The following RASA3 variants were observed in gnomAD, a reference collection of about 807,000 sequenced individuals.
RASA3 encodes the protein RAS p21 protein activator 3, also known as ras GTPase-activating protein 3.
A neutral mutation model predicts 110.0 loss-of-function variants in RASA3; 73 were observed. That is an observed-to-expected ratio of 0.66 (90% CI 0.55 to 0.81). The LOEUF (loss-of-function observed/expected upper bound fraction) is 0.81, where lower values mean the gene tolerates loss of function less well. Among genes scored for constraint, RASA3 ranks in the 30% least tolerant of loss-of-function variants. The probability of loss-of-function intolerance (pLI) is 0.00; values close to 1 mark genes in which losing one functional copy is unlikely to be tolerated. For synonymous variants in RASA3, 500 were observed against 451.4 expected (o/e 1.11, Z -1.37); for missense variants, 976 against 1,113.2 (o/e 0.88, Z 1.75).
chr13:114,012,904 C>G (rs1243256956), intron 15 of RASA3, among the ~76,000 whole-genome samples: 1 of 141,572 alleles, frequency 7.1e-6, no homozygotes, highest in East Asian at 2.1e-4. Flanking sequence ...CTTCCACACT[C>G]CCCACGCAGT....
At chr13:114,089,306 G>T (rs1265872176) in intron 1 of RASA3, among the ~76,000 whole-genome samples, 2 of 141,152 alleles carry the variant, frequency 1.4e-5, no homozygotes, top group Non-Finnish European at 3.1e-5. Flanking sequence ...AGGAGGGGGG[G>T]AGGAGGGGGG....
chr13:114,030,808 C>T (rs974067266), intron 4 of RASA3, among the ~76,000 whole-genome samples: 8 of 151,104 alleles, frequency 5.3e-5, no homozygotes, highest in Non-Finnish European at 1.2e-4. Context: ...TGTGTGTCCG[C>T]CTGTGTCTGT....
chr13:114,000,698 C>T lies in RASA3; in HGVS notation c.1849+128G>A, dbSNP rs111622423. On this transcript the variant is annotated intron_variant, in intron 19 of 23. Coordinates refer to ENST00000334062, the MANE Select transcript of RASA3 (RefSeq NM_007368.4). ...CCAGAAGCAGAGGGCTCTGGGTCAC[C>T]GCGGCCCCGGGCTCTGCCCGCAGCA... 6.3e-4 allele frequency: 446 copies of T among 708,196 alleles called. 1 individual carries two copies. The African/African-American group carries it at 6.8e-3, about 11-fold the overall frequency. 43.9% of individuals were successfully genotyped at this position (708,196 alleles called of 1,614,324 possible).
At chr13:114,090,490 C>T (rs974050365) in intron 1 of RASA3, among the ~76,000 whole-genome samples, 1 of 152,172 alleles carries the variant, frequency 6.6e-6, no homozygotes, top group East Asian at 1.9e-4. Flanking sequence ...CTCCTCCCTG[C>T]GTGGCAGCAA....
At chr13:114,023,979 G>T (rs1220250664) in intron 8 of RASA3, among the ~76,000 whole-genome samples, 1 of 152,144 alleles carries the variant, frequency 6.6e-6, no homozygotes, top group African/African-American at 2.4e-5. Flanking sequence ...GAAGGCGGAG[G>T]GCTTAGAACA....
intron 14 of RASA3, among the ~76,000 whole-genome samples, chr13:114,013,609 T>TCC (rs1398982281): frequency 9.6e-6 from 1 of 103,722 alleles, no homozygotes; most frequent in Non-Finnish European, 1.9e-5. Context: ...TCTGGCTCTC[T>TCC]CCCCCCCTCC....
Position 114,078,382 on chromosome 13 carries a change from ACAGTAAGTACCTAATTATCTGTTGCATG to A in RASA3, c.56-4573_56-4546del, listed in dbSNP as rs556431363. ...AAAAAGACAAAGCTGTCTGTGGTATACAGTAAGTACCTAATTATCTGTTGCATGCATGGATGAATAAATGAATTAAAAG... is the reference window on the plus strand; with the variant it reads ...AAAAAGACAAAGCTGTCTGTGGTATACATGGATGAATAAATGAATTAAAAG... On this transcript the variant is annotated intron_variant, in intron 1 of 23. Transcript: ENST00000334062. Among the ~76,000 whole-genome samples the A allele has an allele frequency of 8.7e-4, 133 of 152,376 alleles. 1 individual carries two copies. Among genetic ancestry groups the A allele is most frequent in the African/African-American group, 2.9e-3 (120 of 41,590 alleles).
chr13:114,083,583 C>T (rs1413786753), intron 1 of RASA3, among the ~76,000 whole-genome samples: 4 of 141,204 alleles, frequency 2.8e-5, no homozygotes, highest in African/African-American at 1.0e-4. Context: ...GGAGTATCGA[C>T]TCCCTTCGTC....
chr13:114,127,054 C>T (rs12583930), intron 1 of RASA3, among the ~76,000 whole-genome samples: 50 of 152,328 alleles, frequency 3.3e-4, no homozygotes, highest in Middle Eastern at 6.8e-3. Flanking sequence ...CCAGCCAATA[C>T]GTCCACCTCC....
chr13:114,130,057 C>T (rs117224588), intron 1 of RASA3, among the ~76,000 whole-genome samples: 1,775 of 152,328 alleles, frequency 0.012, 98 homozygotes, highest in Admixed American at 0.081. Context: ...TCCTCCACTT[C>T]GCTTCTACAG....
intron 3 of RASA3, among the ~76,000 whole-genome samples, 190 bp downstream of exon 3, chr13:114,051,862 C>CTAG (rs1440997501): frequency 6.6e-6 from 1 of 152,220 alleles, no homozygotes; most frequent in Non-Finnish European, 1.5e-5. Context: ...TGGTGTGATG[C>CTAG]TCTAGCAGGG....
intron 1 of RASA3, among the ~76,000 whole-genome samples, chr13:114,130,858 A>T (rs1175312263): frequency 6.6e-6 from 1 of 151,916 alleles, no homozygotes; most frequent in East Asian, 2.0e-4. Flanking sequence ...GAGGAAGCCC[A>T]GTGCTTCTCA....
At chr13:114,020,699 G>T (rs967578735) in intron 9 of RASA3, among the ~76,000 whole-genome samples, 2 of 152,200 alleles carry the variant, frequency 1.3e-5, no homozygotes, top group Admixed American at 1.3e-4. Flanking sequence ...CAAGCACCTG[G>T]AGACAACAGG....
At chr13:114,091,837 G>A (rs2079892788) in intron 1 of RASA3, among the ~76,000 whole-genome samples, 1 of 151,870 alleles carries the variant, frequency 6.6e-6, no homozygotes, top group Admixed American at 6.6e-5. Context: ...CTTTTTCTTT[G>A]CTGGGAGATT....
intron 22 of RASA3, among the ~76,000 whole-genome samples, chr13:113,991,776 C>T (rs530767192): frequency 6.6e-6 from 1 of 152,330 alleles, no homozygotes; most frequent in East Asian, 1.9e-4. Context: ...ATGTGTGTAC[C>T]CACATATATG....
At chr13:114,058,307 C>T (rs1175069559) in intron 2 of RASA3, among the ~76,000 whole-genome samples, 5 of 152,176 alleles carry the variant, frequency 3.3e-5, no homozygotes, top group Admixed American at 6.5e-5. Flanking sequence ...ACCATCCACG[C>T]GTCCAGCAGG....
At chr13:114,071,632 C>T (rs75279984) in intron 2 of RASA3, among the ~76,000 whole-genome samples, 1,863 of 152,284 alleles carry the variant, frequency 0.012, 29 homozygotes, top group African/African-American at 0.043. Flanking sequence ...CCAGACTGGG[C>T]GCCTGACAAT....
intron 1 of RASA3, among the ~76,000 whole-genome samples, chr13:114,117,054 AGGGGTGCATGTGTGTG>A (rs2080290813): frequency 2.1e-5 from 2 of 94,104 alleles, no homozygotes; most frequent in Non-Finnish European, 4.1e-5. Flanking sequence ...CACGTGTGTG[AGGGGTGCATGTGTGTG>A]GGGGTGCACG....
At chr13:114,045,620 A>G (rs1278780116) in intron 3 of RASA3, among the ~76,000 whole-genome samples, 2 of 152,234 alleles carry the variant, frequency 1.3e-5, no homozygotes, top group Admixed American at 6.5e-5. Flanking sequence ...GCCTTTATTC[A>G]TAGAATGTAC....
Sources: allele counts gnomAD v4.1 joint callset (sites outside exome capture counted in the v4.1 genomes callset), GRCh38; gene constraint gnomAD v4.1.1; transcripts MANE v1.5; gene names NCBI Gene and HGNC (gene_info 2026-07-23, HGNC 2026-07-21).